IL13RA1: variants seen among roughly 807,000 people sequenced by gnomAD.
The protein encoded by IL13RA1 is interleukin-13 receptor subunit alpha-1.
IL13RA1 carries 14 observed loss-of-function variants against 33.8 expected under a neutral mutation model. The observed-to-expected ratio is 0.41, with a 90% CI of 0.27 to 0.65. The LOEUF (loss-of-function observed/expected upper bound fraction) is 0.65. IL13RA1 is among the 30% of genes least tolerant of loss of function. The pLI, the probability that IL13RA1 is intolerant of heterozygous loss-of-function variation, is 0.28. For synonymous variants in IL13RA1, 116 were observed against 115.7 expected, an observed-to-expected ratio of 1.00 and a Z score of -0.02; for missense variants, 313 against 327.0, an observed-to-expected ratio of 0.96 and a Z score of 0.33.
At chrX:118,803,954 C>G in the IL13RA1 span, among the ~76,000 whole-genome samples, 4 of 74,994 alleles carry the variant, frequency 5.3e-5, no homozygotes, top group Admixed American at 3.6e-4. Flanking sequence ...TTCTTTCTTT[C>G]TTTCTTTCTT....
In IL13RA1 at chrX:118,776,445, C is replaced by A; in HGVS notation, c.1125C>A (p.Phe375Leu). Residue 375 changes from phenylalanine (F) to leucine (L), a missense_variant, in exon 10 of 11, where the codon TTC becomes TTA. Phe to Leu is a conservative substitution (Grantham distance 22). Coordinates refer to ENST00000371666, the MANE Select transcript of IL13RA1 (RefSeq NM_001560.3). Reference sequence around the variant, plus strand: ...CTTAAAGGCTCAAGATTATTATATTCCCTCCAATTCCTGATCCTGGCAAGA... The same window carrying A: ...CTTAAAGGCTCAAGATTATTATATTACCTCCAATTCCTGATCCTGGCAAGA... ...LYLKRLKIII[F>L]PPIPDPGKIF... The A allele has an allele frequency of 2.1e-6, 2 of 974,494 alleles. No individual in the cohort carries two copies. The highest frequency in any genetic ancestry group is 2.9e-6 in the Non-Finnish European group (2 of 681,364). 80.3% of individuals were successfully genotyped at this position (974,494 alleles called of 1,213,427 possible).
chrX:118,748,123 AT>A (rs2147373447), intron 3 of IL13RA1, among the ~76,000 whole-genome samples: 1 of 101,577 alleles, frequency 9.8e-6, no homozygotes, highest in Non-Finnish European at 2.0e-5. Context: ...TATATATAAT[AT>A]TATATAATAT....
At chrX:118,764,706 G>A (rs1178271599) in intron 6 of IL13RA1, among the ~76,000 whole-genome samples, 1 of 111,453 alleles carries the variant, frequency 9.0e-6, no homozygotes, top group Non-Finnish European at 1.9e-5. Context: ...CTCCATTTTG[G>A]AAATACTTGC....
At chrX:118,731,456 A>G (rs2017216947) in intron 1 of IL13RA1, among the ~76,000 whole-genome samples, 2 of 110,695 alleles carry the variant, frequency 1.8e-5, no homozygotes, top group Admixed American at 1.9e-4. Context: ...GCACACCTGT[A>G]ATCCCAACTA....
intron 6 of IL13RA1, among the ~76,000 whole-genome samples, chrX:118,763,351 AC>A (rs1016060328): frequency 8.9e-6 from 1 of 112,232 alleles, no homozygotes; most frequent in Non-Finnish European, 1.9e-5. Flanking sequence ...TTTAATCTTC[AC>A]AATAACCCTA....
chrX:118,733,931 A>T (rs2017252857), intron 1 of IL13RA1, among the ~76,000 whole-genome samples: 1 of 111,753 alleles, frequency 8.9e-6, no homozygotes, highest in African/African-American at 3.2e-5. Flanking sequence ...CATACATGTG[A>T]TGGTTTATTT....
intron 8 of IL13RA1, among the ~76,000 whole-genome samples, chrX:118,773,654 C>G (rs923154988): frequency 7.2e-5 from 8 of 110,618 alleles, no homozygotes; most frequent in African/African-American, 2.6e-4. Context: ...TTCAGGTAAT[C>G]TTTTAGGTAT....
chrX:118,776,570 A>C lies in IL13RA1; in HGVS notation c.1191+59A>C, dbSNP rs1237831258. 1.6e-5 allele frequency: 6 copies of C among 368,152 alleles called. No homozygotes were observed. The Admixed American group carries it at 3.4e-4, about 21-fold the overall frequency. 30.3% of individuals were successfully genotyped at this position (368,152 alleles called of 1,213,427 possible). A position where few individuals can be genotyped will look rare whatever the true frequency, so the allele number is the denominator to read the frequency against. Reference sequence around the variant, plus strand: ...TTTTTTTTTTTTTTTTTTGGAAGCTATGGCATTTTTTAAAAAAGTGTGGTA... The same window carrying C: ...TTTTTTTTTTTTTTTTTTGGAAGCTCTGGCATTTTTTAAAAAAGTGTGGTA... On this transcript the variant is annotated intron_variant, in intron 10 of 10. Coordinates refer to ENST00000371666, the MANE Select transcript of IL13RA1 (RefSeq NM_001560.3).
intron 10 of IL13RA1, among the ~76,000 whole-genome samples, chrX:118,784,509 C>T (rs2017895379): frequency 9.0e-6 from 1 of 111,256 alleles, no homozygotes; most frequent in South Asian, 3.7e-4. Context: ...TTTCCATATG[C>T]TCTCCCCATT....
At chrX:118,736,099 C>T (rs1436128154) in intron 1 of IL13RA1, among the ~76,000 whole-genome samples, 1 of 111,609 alleles carries the variant, frequency 9.0e-6, no homozygotes, top group Non-Finnish European at 1.9e-5. Flanking sequence ...GCTTTTTCTG[C>T]TCCAGAGTTT....
At chrX:118,741,260 T>C in intron 2 of IL13RA1, 104 bp downstream of exon 2, 1 of 536,765 alleles carries the variant, frequency 1.9e-6, no homozygotes, top group Non-Finnish European at 3.1e-6. Context: ...GGAAATTGTA[T>C]TTTAGGGTGT....
downstream of IL13RA1, among the ~76,000 whole-genome samples, chrX:118,794,754 G>A (rs970726559): frequency 8.9e-6 from 1 of 111,767 alleles, no homozygotes. Flanking sequence ...TTTGTAAGCA[G>A]CACTTGAAGG....
downstream of IL13RA1, among the ~76,000 whole-genome samples, chrX:118,795,140 G>A (rs953538824): frequency 3.9e-5 from 4 of 102,857 alleles, no homozygotes; most frequent in East Asian, 9.1e-4. Context: ...GGAGAATGGC[G>A]TGAACCCGGG....
At chrX:118,784,589 T>C (rs968593112) in intron 10 of IL13RA1, among the ~76,000 whole-genome samples, 1 of 111,739 alleles carries the variant, frequency 8.9e-6, no homozygotes, top group African/African-American at 3.3e-5. Context: ...TTAGTCTTAC[T>C]TCAGTGTGTG....
chrX:118,786,478 T>C (rs2017918760), intron 10 of IL13RA1, among the ~76,000 whole-genome samples: 1 of 111,817 alleles, frequency 8.9e-6, no homozygotes, highest in Non-Finnish European at 1.9e-5. Flanking sequence ...CAAGCAATCC[T>C]CCTGCCTTGG....
chrX:118,765,096 G>A lies in IL13RA1; in HGVS notation c.829-1434G>A, dbSNP rs181077547. 4.1e-3 allele frequency among the ~76,000 whole-genome samples: 453 copies of A among 110,432 alleles called. 1 individual carries two copies. The highest frequency in any genetic ancestry group is 0.014 in the African/African-American group (436 of 30,388). On this transcript the variant is annotated intron_variant, in intron 6 of 10. Transcript: ENST00000371666. ...TTATATAAATGGAATTATATAGAAC[G>A]TACTTTTTTTTTTCGAGACAGAGTC...
downstream of IL13RA1, among the ~76,000 whole-genome samples, chrX:118,796,092 G>A (rs2018029650): frequency 8.9e-6 from 1 of 112,227 alleles, no homozygotes; most frequent in African/African-American, 3.2e-5. Context: ...CACATTTTTA[G>A]TTTACCATTA....
At chrX:118,801,989 T>A in the IL13RA1 span, among the ~76,000 whole-genome samples, 2 of 111,919 alleles carry the variant, frequency 1.8e-5, no homozygotes, top group African/African-American at 6.5e-5. Flanking sequence ...TCTCCCCTCA[T>A]CCCTGGGGTA....
chrX:118,741,489 CACTT>C (rs1333426734), intron 2 of IL13RA1, among the ~76,000 whole-genome samples: 4 of 111,884 alleles, frequency 3.6e-5, no homozygotes, highest in African/African-American at 1.3e-4. Context: ...ATCTATATAA[CACTT>C]AATTTTGGGG....
Sources: gnomAD v4.1 joint callset for allele counts (sites outside exome capture counted in the v4.1 genomes callset) on GRCh38, gnomAD v4.1.1 for gene constraint, MANE v1.5 for transcripts, NCBI Gene and HGNC (gene_info 2026-07-23, HGNC 2026-07-21) for gene names.